The following FNIP1 variants were observed in gnomAD, a reference collection of about 807,000 sequenced individuals.
FNIP1 encodes folliculin-interacting protein 1.
A neutral mutation model predicts 124.5 loss-of-function variants in FNIP1; 40 were observed. The ratio of observed to expected loss-of-function variants is 0.32; its 90% CI spans 0.25 to 0.42. The LOEUF (loss-of-function observed/expected upper bound fraction) is 0.42. Ranked by LOEUF, FNIP1 falls within the 10% of genes least tolerant of loss-of-function variation. FNIP1 has a pLI of 1.00. For synonymous variants in FNIP1, 472 were observed against 470.6 expected (o/e 1.00, Z -0.04); for missense variants, 1,176 against 1,403.7 (o/e 0.84, Z 2.59).
At chr5:131,674,733 A>T (rs993005806) in intron 13 of FNIP1, among the ~76,000 whole-genome samples, 1 of 152,212 alleles carries the variant, frequency 6.6e-6, no homozygotes, top group Non-Finnish European at 1.5e-5. Flanking sequence ...AGAAAGAAAA[A>T]AAAAGGAGAA....
At chr5:131,682,115 C>G (rs1459700091) in intron 11 of FNIP1, among the ~76,000 whole-genome samples, 1 of 152,002 alleles carries the variant, frequency 6.6e-6, no homozygotes, top group South Asian at 2.1e-4. Flanking sequence ...TGTGCATATA[C>G]TTTTTGATTA....
intron 11 of FNIP1, among the ~76,000 whole-genome samples, chr5:131,682,701 A>C (rs1768130313): frequency 6.6e-6 from 1 of 151,368 alleles, no homozygotes; most frequent in Non-Finnish European, 1.5e-5. Flanking sequence ...TGGGCGGTAG[A>C]GCAAGACTCC....
chr5:131,714,332 G>A (rs970149292), intron 6 of FNIP1, among the ~76,000 whole-genome samples: 5 of 152,092 alleles, frequency 3.3e-5, no homozygotes, highest in African/African-American at 1.2e-4. Flanking sequence ...GGGTCTCTCA[G>A]CCTTTCCCAG....
At chr5:131,693,159 A>T (rs1206887597) in intron 11 of FNIP1, among the ~76,000 whole-genome samples, 4 of 150,216 alleles carry the variant, frequency 2.7e-5, no homozygotes, top group Non-Finnish European at 5.9e-5. Context: ...TACGTGAGGT[A>T]ATAGATATGT....
intron 1 of FNIP1, among the ~76,000 whole-genome samples, chr5:131,788,486 T>C (rs555583322): frequency 2.0e-5 from 3 of 152,142 alleles, no homozygotes; most frequent in South Asian, 2.1e-4. Context: ...CTGGCCAACA[T>C]GGTGAAACTC....
Position 131,665,898 on chromosome 5 carries a change from A to ATT in FNIP1, c.3108+4564_3108+4565insAA, listed in dbSNP as rs751409571. On this transcript the variant is annotated intron_variant, in intron 15 of 17. Transcript: ENST00000510461. ...GCCACAGCGCTTGGCCTAAAATAAT[A>ATT]CTTTTTTTTTTTTTTTTTTTTGAGA... 1.3e-3 allele frequency among the ~76,000 whole-genome samples: 150 copies of ATT among 114,706 alleles called. 9 individuals carry two copies. The highest frequency in any genetic ancestry group is 6.5e-3 in the East Asian group (27 of 4,154). 75.3% of individuals were successfully genotyped at this position (114,706 alleles called of 152,430 possible). A position where few individuals can be genotyped will look rare whatever the true frequency, so the allele number is the denominator to read the frequency against.
intron 15 of FNIP1, among the ~76,000 whole-genome samples, chr5:131,657,898 G>A (rs549135300): frequency 4.6e-5 from 7 of 152,018 alleles, no homozygotes; most frequent in South Asian, 4.2e-4. Flanking sequence ...AAAATTAGCC[G>A]GGTGTGGCAG....
intron 16 of FNIP1, among the ~76,000 whole-genome samples, chr5:131,650,714 T>A (rs1404174967): frequency 6.6e-6 from 1 of 152,248 alleles, no homozygotes; most frequent in Admixed American, 6.5e-5. Flanking sequence ...AGAAATACTT[T>A]CAGTCTTCCA....
chr5:131,780,701 A>AT (rs1193220309), intron 1 of FNIP1, among the ~76,000 whole-genome samples: 13 of 152,298 alleles, frequency 8.5e-5, no homozygotes, highest in Non-Finnish European at 1.5e-4. Context: ...CTGTGCCCAT[A>AT]TAAGACAGCA....
intron 3 of FNIP1, among the ~76,000 whole-genome samples, chr5:131,729,487 T>C (rs1770001989): frequency 6.6e-6 from 1 of 152,208 alleles, no homozygotes; most frequent in Non-Finnish European, 1.5e-5. Context: ...TACACTCAGT[T>C]GGAAATGCAG....
intron 1 of FNIP1, among the ~76,000 whole-genome samples, chr5:131,774,078 G>A (rs1771726773): frequency 6.6e-6 from 1 of 152,218 alleles, no homozygotes; most frequent in South Asian, 2.1e-4. Context: ...ACAAGCTGGA[G>A]TGCAGTGACG....
intron 8 of FNIP1, among the ~76,000 whole-genome samples, chr5:131,707,956 C>T (rs1281584213): frequency 6.6e-6 from 1 of 151,706 alleles, no homozygotes; most frequent in Non-Finnish European, 1.5e-5. Flanking sequence ...TAGATTACAT[C>T]GAAGCAAAGT....
chr5:131,749,871 A>ACT (rs1234004954), intron 1 of FNIP1, among the ~76,000 whole-genome samples: 1 of 152,044 alleles, frequency 6.6e-6, no homozygotes, highest in Non-Finnish European at 1.5e-5. Flanking sequence ...TGTGTAGTAG[A>ACT]CTATACCATC....
intron 11 of FNIP1, among the ~76,000 whole-genome samples, chr5:131,698,355 C>T (rs1194776452): frequency 6.6e-6 from 1 of 152,180 alleles, no homozygotes; most frequent in African/African-American, 2.4e-5. Context: ...TATACTAATT[C>T]CCAACATAAC....
chr5:131,694,701 T>C (rs1249520912), intron 11 of FNIP1, among the ~76,000 whole-genome samples: 2 of 152,190 alleles, frequency 1.3e-5, no homozygotes, highest in South Asian at 4.1e-4. Context: ...ATAAAAACCA[T>C]ATAACTATAC....
intron 17 of FNIP1, 84 bp from the exon 18 acceptor site, chr5:131,644,847 G>T (rs1362523863): frequency 7.5e-7 from 1 of 1,331,888 alleles, no homozygotes; most frequent in African/African-American, 1.4e-5. Flanking sequence ...CCAACTGTAA[G>T]GTCACTATAC....
intron 2 of FNIP1, among the ~76,000 whole-genome samples, chr5:131,742,229 C>T (rs890692976): frequency 6.6e-6 from 1 of 152,118 alleles, no homozygotes; most frequent in African/African-American, 2.4e-5. Context: ...TTTATGAGGC[C>T]AAAGCAGGCG....
At chr5:131,784,950 C>T (rs1242986423) in intron 1 of FNIP1, among the ~76,000 whole-genome samples, 1 of 145,778 alleles carries the variant, frequency 6.9e-6, no homozygotes, top group East Asian at 2.0e-4. Context: ...CAGGGAACTA[C>T]TATCATAAGT....
chr5:131,670,638 G>T lies in FNIP1; in HGVS notation c.2940-7C>A. On this transcript the variant is annotated splice_region_variant and splice_polypyrimidine_tract_variant and intron_variant, in intron 14 of 17. Coordinates refer to ENST00000510461, the MANE Select transcript of FNIP1 (RefSeq NM_133372.3). Reference sequence around the variant, plus strand: ...CACTTCGATTAACTTTGACCTGGAAGAAAAATGCCCCCAAAAGACATTTAT... The same window carrying T: ...CACTTCGATTAACTTTGACCTGGAATAAAAATGCCCCCAAAAGACATTTAT... 1 of 1,526,380 alleles carries T rather than the reference G, an allele frequency of 6.6e-7. No individual in the cohort carries two copies. The highest frequency in any genetic ancestry group is 8.8e-7 in the Non-Finnish European group (1 of 1,140,500). The allele number at this position is 1,526,380 out of a possible 1,614,324, so 94.6% of individuals were successfully genotyped here.
Sources: allele counts gnomAD v4.1 joint callset (sites outside exome capture counted in the v4.1 genomes callset), GRCh38; gene constraint gnomAD v4.1.1; transcripts MANE v1.5; gene names NCBI Gene and HGNC (gene_info 2026-07-23, HGNC 2026-07-21).